The following MDM1 variants were observed in gnomAD, a reference collection of about 807,000 sequenced individuals.
The protein encoded by MDM1 is stabilizer of axonemal microtubules 6, also known as Mdm1 nuclear protein.
A neutral mutation model predicts 89.1 loss-of-function variants in MDM1; 61 were observed. The observed-to-expected ratio is 0.68, with a 90% confidence interval of 0.56 to 0.85. MDM1 has a LOEUF of 0.85. MDM1 is among the 40% of genes least tolerant of loss of function. MDM1 has a pLI of 0.00. For synonymous variants in MDM1, 290 were observed against 294.1 expected, an observed-to-expected ratio of 0.99 and a Z score of 0.14; for missense variants, 820 against 846.5, an observed-to-expected ratio of 0.97 and a Z score of 0.39.
rs970721713 is a variant in MDM1, at chr12:68,332,354, C to G, written c.-109G>C. ...TAGCAAAGCCTCGGCCCGGCGTCCC[C>G]GACTACGCGCCGGCGCACTCCGCGC... is the stretch of plus-strand genomic sequence containing the variant. On this transcript the variant is annotated 5_prime_UTR_variant, in exon 1 of 15. Coordinates refer to ENST00000682720, the MANE Select transcript of MDM1 (RefSeq NM_001354969.2). 6.7e-6 allele frequency: 9 copies of G among 1,346,510 alleles called. No individual in the cohort carries two copies. The highest frequency in any genetic ancestry group is 1.5e-5 in the African/African-American group (1 of 67,760). 83.4% of individuals were successfully genotyped at this position (1,346,510 alleles called of 1,614,324 possible).
chr12:68,300,663 A>T (rs1565764502), intron 13 of MDM1, among the ~76,000 whole-genome samples: 1 of 152,230 alleles, frequency 6.6e-6, no homozygotes, highest in Non-Finnish European at 1.5e-5. Flanking sequence ...CATTTATAAA[A>T]CAATTACTAC....
chr12:68,326,422 G>A, intron 3 of MDM1: 1 of 1,451,906 alleles, frequency 6.9e-7, no homozygotes, highest in African/African-American at 1.4e-5. Flanking sequence ...GACGCAGGAG[G>A]TCCATCCAAT....
In MDM1 at chr12:68,294,915, C is replaced by G. The variant is rs1008372018; in HGVS notation, c.*339G>C. On this transcript the variant is annotated 3_prime_UTR_variant, in exon 15 of 15. Coordinates refer to ENST00000682720, the MANE Select transcript of MDM1 (RefSeq NM_001354969.2). ...ATATCAAATCTTAGGGGAATATATACTTCACACTGGGATCTTAACTTTTAC... is the reference window on the plus strand; with the variant it reads ...ATATCAAATCTTAGGGGAATATATAGTTCACACTGGGATCTTAACTTTTAC... 2.4e-5 allele frequency: 4 copies of G among 164,418 alleles called. No homozygotes were observed. Among genetic ancestry groups the G allele is most frequent in the Non-Finnish European group, 5.3e-5 (4 of 75,952 alleles). The allele number at this position is 164,418 out of a possible 1,614,324, so 10.2% of individuals were successfully genotyped here.
chr12:68,329,612 T>C (rs894963661), intron 2 of MDM1, among the ~76,000 whole-genome samples: 4 of 152,334 alleles, frequency 2.6e-5, no homozygotes, highest in African/African-American at 9.6e-5. Context: ...ACACAGCTAT[T>C]ATAATTCAAA....
intron 12 of MDM1, among the ~76,000 whole-genome samples, chr12:68,303,937 T>A (rs1431194448): frequency 6.6e-6 from 1 of 152,222 alleles, no homozygotes; most frequent in Admixed American, 6.5e-5. Context: ...ACAATTTTAC[T>A]TTTTAAAAGA....
Position 68,330,742 on chromosome 12 carries a change from C to A in MDM1, c.133+365G>T, listed in dbSNP as rs1172129819. ...CCTTATTTTGTCATGCTTTATGGCCCAGGAAAGGCCTAGGCAATACTCTTG... is the reference window on the plus strand; with the variant it reads ...CCTTATTTTGTCATGCTTTATGGCCAAGGAAAGGCCTAGGCAATACTCTTG... On this transcript the variant is annotated intron_variant, in intron 2 of 14. Coordinates refer to ENST00000682720, the MANE Select transcript of MDM1 (RefSeq NM_001354969.2). The A allele has an allele frequency of 6.8e-5, 12 of 177,596 alleles. No homozygotes were observed. In the South Asian group the frequency reaches 8.3e-4, roughly 12 times the overall value. The allele number at this position is 177,596 out of a possible 1,614,324, so 11.0% of individuals were successfully genotyped here.
intron 12 of MDM1, 63 bp downstream of exon 12, chr12:68,313,380 T>C: frequency 1.8e-6 from 2 of 1,138,852 alleles, no homozygotes; most frequent in Non-Finnish European, 2.6e-6. Context: ...ATCATTCATT[T>C]ATTACATGTG....
chr12:68,297,251 A>G (rs1871528084), intron 13 of MDM1, among the ~76,000 whole-genome samples: 1 of 152,268 alleles, frequency 6.6e-6, no homozygotes, highest in South Asian at 2.1e-4. Context: ...TATTCTTTCC[A>G]ATGATAATAT....
At chr12:68,317,687 C>T (rs541082758) in intron 7 of MDM1, among the ~76,000 whole-genome samples, 1 of 152,288 alleles carries the variant, frequency 6.6e-6, no homozygotes, top group East Asian at 1.9e-4. Context: ...CTATCAACTC[C>T]TATACCTTTA....
intron 7 of MDM1, among the ~76,000 whole-genome samples, chr12:68,316,928 G>A (rs1383283411): frequency 6.6e-6 from 1 of 152,054 alleles, no homozygotes; most frequent in African/African-American, 2.4e-5. Context: ...TCATGGCTTT[G>A]TATACAGCTA....
Position 68,321,355 on chromosome 12 carries a change from G to T in MDM1, c.997C>A (p.Pro333Thr), listed in dbSNP as rs777863479. ...GAWTHVKGNM[P>T]NQGSLNAMWY... ...AGGTCATGTACACTCACCTGATTTGGCATGTTTCCCTTTACATGTGTCCAA... is the reference window on the plus strand; with the variant it reads ...AGGTCATGTACACTCACCTGATTTGTCATGTTTCCCTTTACATGTGTCCAA... The change falls in exon 7 of 15, where the codon CCA (proline) becomes ACA (threonine). Residue 333 changes from proline (P) to threonine (T), a missense_variant. By Grantham distance (38) the Pro-to-Thr change is conservative. Coordinates refer to ENST00000682720, the MANE Select transcript of MDM1 (RefSeq NM_001354969.2). 1 of 1,612,578 alleles carries T rather than the reference G, an allele frequency of 6.2e-7. No homozygotes were observed. Among genetic ancestry groups the T allele is most frequent in the Non-Finnish European group, 8.5e-7 (1 of 1,179,186 alleles).
At chr12:68,322,634 G>A (rs894816927) in intron 5 of MDM1, among the ~76,000 whole-genome samples, 5 of 151,902 alleles carry the variant, frequency 3.3e-5, no homozygotes, top group South Asian at 2.1e-4. Context: ...ACTCTGTCTC[G>A]AAAAAAATAA....
chr12:68,309,297 G>C (rs921831626), intron 12 of MDM1, among the ~76,000 whole-genome samples: 4 of 152,024 alleles, frequency 2.6e-5, no homozygotes, highest in African/African-American at 4.8e-5. Context: ...CTTTTTTCCT[G>C]GTTAATGCTT....
intron 2 of MDM1, among the ~76,000 whole-genome samples, chr12:68,330,027 C>T (rs1052978069): frequency 2.0e-5 from 3 of 152,156 alleles, no homozygotes; most frequent in South Asian, 4.1e-4. Context: ...CCAGCATTGT[C>T]CCCTCAGCTT....
intron 2 of MDM1, chr12:68,327,539 TAAC>T: frequency 6.6e-7 from 1 of 1,515,902 alleles, no homozygotes; most frequent in Non-Finnish European, 8.9e-7. Flanking sequence ...TAAGCCCTTT[TAAC>T]AACAGCTAAG....
intron 12 of MDM1, among the ~76,000 whole-genome samples, chr12:68,309,815 C>A (rs2120903463): frequency 6.6e-6 from 1 of 152,292 alleles, no homozygotes; most frequent in South Asian, 2.1e-4. Context: ...AGTTTAGTGA[C>A]TCCTCTGCCT....
intron 12 of MDM1, among the ~76,000 whole-genome samples, chr12:68,305,789 G>A (rs565885467): frequency 3.0e-3 from 459 of 152,078 alleles, no homozygotes; most frequent in Non-Finnish European, 5.6e-3. Context: ...CCCATGGATC[G>A]GAAGAATCGA....
At position 68,323,148 on chromosome 12, in the gene MDM1, A is replaced by C; in HGVS notation, c.726T>G (p.Ser242=). 6.2e-7 allele frequency: 1 copy of C among 1,610,492 alleles called. No individual in the cohort carries two copies. Among genetic ancestry groups the C allele is most frequent in the Non-Finnish European group, 8.5e-7 (1 of 1,178,600 alleles). The change falls in exon 5 of 15, where the codon TCT becomes TCG. Residue 242 remains serine, a synonymous_variant. Transcript: ENST00000682720. ...TTCTTAATTTTGGTTCTTTCACTGG[A>C]GATAAACCCTTGAAATTTCTTTTGT... ...TEYKRNFKGL[S]PVKEPKLRND... is the part of the protein sequence containing the mutation.
At chr12:68,331,978 CCCT>C (rs1382693293) in intron 1 of MDM1, 1 of 697,666 alleles carries the variant, frequency 1.4e-6, no homozygotes, top group East Asian at 2.7e-5. Flanking sequence ...TCTTGAGTCC[CCCT>C]AAGTAAATGT....
Sources: gnomAD v4.1 joint callset for allele counts (sites outside exome capture counted in the v4.1 genomes callset) on GRCh38, gnomAD v4.1.1 for gene constraint, MANE v1.5 for transcripts, NCBI Gene and HGNC (gene_info 2026-07-23, HGNC 2026-07-21) for gene names.